The following PRICKLE1 variants were observed in gnomAD, a reference collection of about 807,000 sequenced individuals.
PRICKLE1 encodes prickle-like protein 1.
PRICKLE1 carries 14 observed loss-of-function variants against 70.2 expected under a neutral mutation model. That is an observed-to-expected ratio of 0.20 (90% confidence interval 0.13 to 0.31). PRICKLE1 has a LOEUF of 0.31. Ranked by LOEUF, PRICKLE1 falls within the 10% of genes least tolerant of loss-of-function variation. The pLI, the probability that PRICKLE1 is intolerant of heterozygous loss-of-function variation, is 1.00. For synonymous variants in PRICKLE1, 357 were observed against 379.9 expected (o/e 0.94, Z 0.70); for missense variants, 821 against 1,026.2 (o/e 0.80, Z 2.73).
At position 42,464,524 on chromosome 12, in the gene PRICKLE1, G is replaced by A; in HGVS notation, c.1510C>T (p.His504Tyr). 1 of 1,613,930 alleles carries A rather than the reference G, an allele frequency of 6.2e-7. No homozygotes were observed. Among genetic ancestry groups the A allele is most frequent in the Non-Finnish European group, 8.5e-7 (1 of 1,180,024 alleles). The change falls in exon 7 of 8, where the codon CAT (histidine) becomes TAT (tyrosine). Residue 504 changes from histidine (H) to tyrosine (Y), a missense_variant. Transcript: ENST00000345127. The surrounding 1 kb of genome is among the most constrained non-coding windows in gnomAD (Gnocchi z 4.2). ...TCATGATTATACCCTGAAGCCCCAT[G>A]GTCCAGTTCCAATTCCTGAAGCCTT... ...SRRLQELELD[H>Y]GASGYNHDET...
intron 1 of PRICKLE1, among the ~76,000 whole-genome samples, chr12:42,508,696 G>A (rs1487313426): frequency 2.0e-5 from 3 of 152,174 alleles, no homozygotes; most frequent in African/African-American, 7.2e-5. Flanking sequence ...CAGGTGGGCA[G>A]ACAGGTACCA....
rs1938200714 is a variant in PRICKLE1 at position 42,468,765 on chromosome 12, C to T, written c.449G>A (p.Cys150Tyr). The T allele has an allele frequency of 6.2e-7, 1 of 1,614,172 alleles. No individual in the cohort carries two copies. The highest frequency in any genetic ancestry group is 8.5e-7 in the Non-Finnish European group (1 of 1,180,036). Reference protein sequence around the residue: ...VFASRAGPGVCWHPSCFVCFT... With the variant: ...VFASRAGPGVYWHPSCFVCFT... The stretch of plus-strand genomic sequence containing the variant: ...ACAGACAAAACAGGATGGGTGCCAG[C>T]ACACACCAGGGCCCGCACGGGAGGC... Residue 150 changes from cysteine (C) to tyrosine (Y), a missense_variant, in exon 5 of 8, where the codon TGC becomes TAC. Physicochemically the swap from Cys to Tyr is radical, Grantham distance 194. Transcript: ENST00000345127.
At chr12:42,468,918 G>T in intron 4 of PRICKLE1, 89 bp from the exon 5 acceptor site, 4 of 1,304,888 alleles carry the variant, frequency 3.1e-6, no homozygotes, top group Non-Finnish European at 4.3e-6. Context: ...TCTCGAATTT[G>T]TCAGGAATGT....
At chr12:42,563,698 G>A (rs1940568295) in intron 1 of PRICKLE1, among the ~76,000 whole-genome samples, 12 of 71,970 alleles carry the variant, frequency 1.7e-4, no homozygotes, top group South Asian at 1.3e-3. Flanking sequence ...GCAAGACTCT[G>A]TCTCAAAAAA....
At chr12:42,530,069 G>A (rs1038589889) in intron 1 of PRICKLE1, among the ~76,000 whole-genome samples, 19 of 151,096 alleles carry the variant, frequency 1.3e-4, no homozygotes, top group African/African-American at 4.1e-4. Flanking sequence ...TCAGCCTCCC[G>A]AGTAGCTGGG....
intron 1 of PRICKLE1, among the ~76,000 whole-genome samples, chr12:42,521,611 G>T (rs953121643): frequency 6.6e-6 from 1 of 151,982 alleles, no homozygotes; most frequent in African/African-American, 2.4e-5. Flanking sequence ...GAGGTCGGGG[G>T]GATCGCTTAA....
intron 1 of PRICKLE1, among the ~76,000 whole-genome samples, chr12:42,519,567 A>G (rs1385760179): frequency 1.3e-5 from 2 of 152,212 alleles, no homozygotes; most frequent in Admixed American, 6.6e-5. Flanking sequence ...GTGCCTCAAC[A>G]TATTTGATCA....
intron 7 of PRICKLE1, 60 bp from the exon 8 acceptor site, chr12:42,460,725 A>T: frequency 6.4e-7 from 1 of 1,570,228 alleles, no homozygotes; most frequent in South Asian, 1.1e-5. Flanking sequence ...GACAGTACTT[A>T]AAAGTAAGCT....
chr12:42,488,381 A>G (rs542586481), intron 1 of PRICKLE1, among the ~76,000 whole-genome samples: 3 of 152,236 alleles, frequency 2.0e-5, no homozygotes, highest in Non-Finnish European at 2.9e-5. Flanking sequence ...GTTGTTATCT[A>G]CTACTGAAGA....
At chr12:42,571,079 G>A (rs1191833972) in intron 1 of PRICKLE1, among the ~76,000 whole-genome samples, 1 of 151,944 alleles carries the variant, frequency 6.6e-6, no homozygotes, top group Non-Finnish European at 1.5e-5. Context: ...CATACAAAAC[G>A]TTTAGTTTTC....
intron 1 of PRICKLE1, among the ~76,000 whole-genome samples, chr12:42,498,171 T>C (rs1276724930): frequency 1.6e-5 from 2 of 128,242 alleles, no homozygotes; most frequent in Admixed American, 1.6e-4. Context: ...TTCTTTTCTC[T>C]CTCTCTTTTT....
chr12:42,463,429 T>C lies in PRICKLE1; in HGVS notation c.1639+966A>G, dbSNP rs57586402. On this transcript the variant is annotated intron_variant, in intron 7 of 7. Coordinates refer to ENST00000345127, the MANE Select transcript of PRICKLE1 (RefSeq NM_153026.3). ...TCAGGAAGATGTTTAAAAAAAAAAA[T>C]GAGCTTGTGGCCAGGCGTGGTGGCT... Among the ~76,000 whole-genome samples the C allele has an allele frequency of 2.0e-5, 3 of 149,236 alleles. No individual in the cohort carries two copies. In the East Asian group the frequency reaches 6.0e-4, roughly 30 times the overall value.
chr12:42,530,736 G>C (rs973844482), intron 1 of PRICKLE1, among the ~76,000 whole-genome samples: 6 of 122,790 alleles, frequency 4.9e-5, no homozygotes, highest in African/African-American at 1.9e-4. Flanking sequence ...GCCCAGGCTA[G>C]AGTGCAATGG....
At position 42,459,264 on chromosome 12, in the gene PRICKLE1, T is replaced by G; in HGVS notation, c.*545A>C. ...AAATAGCAATGTTTTTTGTTTTTTT[T>G]TTTCAATCTGTAGCTGGCGCTGATA... On this transcript the variant is annotated 3_prime_UTR_variant, in exon 8 of 8. Transcript: ENST00000345127. 1 of 697,238 alleles carries G rather than the reference T, an allele frequency of 1.4e-6. No homozygotes were observed. The highest frequency in any genetic ancestry group is 2.6e-6 in the Non-Finnish European group (1 of 383,634). The allele number at this position is 697,238 out of a possible 1,614,324, so 43.2% of individuals were successfully genotyped here.
At chr12:42,472,587 C>T in intron 1 of PRICKLE1, 23 bp from the exon 2 acceptor site, 1 of 1,594,772 alleles carries the variant, frequency 6.3e-7, no homozygotes. Context: ...TAAGAAAAAA[C>T]AAAGACATCT....
At chr12:42,551,521 A>C (rs1940317414) in intron 1 of PRICKLE1, among the ~76,000 whole-genome samples, 1 of 152,234 alleles carries the variant, frequency 6.6e-6, no homozygotes, top group South Asian at 2.1e-4. Context: ...AGCAGCCTGC[A>C]GAACAGGAAG....
At position 42,459,170 on chromosome 12, in the gene PRICKLE1, A is replaced by G; in HGVS notation, c.*639T>C. On this transcript the variant is annotated 3_prime_UTR_variant, in exon 8 of 8. Coordinates refer to ENST00000345127, the MANE Select transcript of PRICKLE1 (RefSeq NM_153026.3). Reference sequence around the variant, plus strand: ...ATATCAGCTTTAAAATCTGAACTGTACAGTATATACATTAATATTTGCACC... The same window carrying G: ...ATATCAGCTTTAAAATCTGAACTGTGCAGTATATACATTAATATTTGCACC... 1.5e-6 allele frequency: 1 copy of G among 648,148 alleles called. No homozygotes were observed. The highest frequency in any genetic ancestry group is 2.8e-6 in the Non-Finnish European group (1 of 362,626). The allele number at this position is 648,148 out of a possible 1,614,324, so 40.1% of individuals were successfully genotyped here.
intron 1 of PRICKLE1, among the ~76,000 whole-genome samples, chr12:42,501,010 T>A (rs911411837): frequency 6.6e-6 from 1 of 152,236 alleles, no homozygotes; most frequent in African/African-American, 2.4e-5. Flanking sequence ...TCTAACAAGA[T>A]TCCAGCAATC....
intron 1 of PRICKLE1, among the ~76,000 whole-genome samples, chr12:42,578,129 T>C (rs942753296): frequency 6.6e-6 from 1 of 152,144 alleles, no homozygotes; most frequent in African/African-American, 2.4e-5. Flanking sequence ...ACATGGTAAT[T>C]TCTGGATAAA....
Sources: allele counts gnomAD v4.1 joint callset (sites outside exome capture counted in the v4.1 genomes callset), GRCh38; gene constraint gnomAD v4.1.1; non-coding constraint Gnocchi (gnomAD v3.1); transcripts MANE v1.5; gene names NCBI Gene and HGNC (gene_info 2026-07-23, HGNC 2026-07-21).